Variants in ITPRID1 observed in about 807,000 individuals in gnomAD.
ITPRID1 encodes the protein ITPR interacting domain containing 1.
Under a neutral mutation model 95.4 loss-of-function variants are expected in ITPRID1, and 96 were observed. That is an observed-to-expected ratio of 1.01 (90% CI 0.85 to 1.19). The LOEUF (loss-of-function observed/expected upper bound fraction) is 1.19. ITPRID1 is among the 50% of genes most tolerant of loss of function. The probability of loss-of-function intolerance (pLI) is 0.00; values close to 1 mark genes in which losing one functional copy is unlikely to be tolerated. For missense variants in ITPRID1, 1,339 were observed against 1,252.9 expected, an observed-to-expected ratio of 1.07 and a Z score of -1.04; for synonymous variants, 510 against 453.6, an observed-to-expected ratio of 1.12 and a Z score of -1.58.
chr7:31,603,287 T>TCCCTCC (rs1402687891), intron 10 of ITPRID1, among the ~76,000 whole-genome samples: 2 of 151,956 alleles, frequency 1.3e-5, no homozygotes, highest in East Asian at 3.9e-4. Flanking sequence ...AACCACATCC[T>TCCCTCC]CCCTCCCCGT....
intron 10 of ITPRID1, among the ~76,000 whole-genome samples, chr7:31,632,896 T>G (rs1347613433): frequency 6.6e-6 from 1 of 151,490 alleles, no homozygotes; most frequent in Non-Finnish European, 1.5e-5. Flanking sequence ...ATTCATTTAT[T>G]TATTTATTTG....
At chr7:31,569,651 C>A (rs975278360) in intron 5 of ITPRID1, 107 bp from the exon 6 acceptor site, 26 of 906,154 alleles carry the variant, frequency 2.9e-5, no homozygotes, top group Non-Finnish European at 4.3e-5. Context: ...GCCTATATAA[C>A]CTTGGATATG....
intron 8 of ITPRID1, among the ~76,000 whole-genome samples, chr7:31,575,744 C>A (rs1193272616): frequency 6.6e-6 from 1 of 152,152 alleles, no homozygotes; most frequent in Non-Finnish European, 1.5e-5. Flanking sequence ...TAAACAAATT[C>A]ACTAAAAGGA....
chr7:31,651,948 C>G lies in ITPRID1; in HGVS notation c.2721C>G (p.Ala907=). The change falls in exon 14 of 15, where the codon GCC becomes GCG. Residue 907 remains alanine (A), a synonymous_variant. Coordinates refer to ENST00000615280, the MANE Select transcript of ITPRID1 (RefSeq NM_001257967.3). ...TATTATTTACTTGCAGGGAGGAGGC[C>G]GAGCAACTGCAAACGTTACGTGAGG... is the stretch of plus-strand genomic sequence containing the variant. ...RDMSEEEREE[A]EQLQTLREAL... 6.3e-7 allele frequency: 1 copy of G among 1,593,534 alleles called. No homozygotes were observed. The highest frequency in any genetic ancestry group is 8.5e-7 in the Non-Finnish European group (1 of 1,169,876).
chr7:31,579,923 A>C (rs960855207), intron 9 of ITPRID1, among the ~76,000 whole-genome samples: 3 of 152,158 alleles, frequency 2.0e-5, no homozygotes, highest in Non-Finnish European at 4.4e-5. Context: ...TAAACTGAGA[A>C]GGCGCTAAAA....
rs185415228 is a variant in ITPRID1, at chr7:31,517,561, C to T, written c.-98+3441C>T. 423 of 153,426 alleles carry T rather than the reference C, an allele frequency of 2.8e-3. 1 individual carries two copies. The highest frequency in any genetic ancestry group is 6.8e-3 in the Middle Eastern group (2 of 296). 9.5% of individuals were successfully genotyped at this position (153,426 alleles called of 1,614,324 possible). A position where few individuals can be genotyped will look rare whatever the true frequency, so the allele number is the denominator to read the frequency against. ...CGAAGAGGGAATAGCGGTCCACGCA[C>T]GGGACCCAGCCTCCGATCAAGCCCA... On this transcript the variant is annotated intron_variant, in intron 1 of 14. Coordinates refer to ENST00000615280, the MANE Select transcript of ITPRID1 (RefSeq NM_001257967.3).
At chr7:31,522,515 T>G (rs568902392) in intron 1 of ITPRID1, among the ~76,000 whole-genome samples, 1 of 152,302 alleles carries the variant, frequency 6.6e-6, no homozygotes, top group African/African-American at 2.4e-5. Context: ...TTCAATGAGG[T>G]TTTACTTTTG....
intron 1 of ITPRID1, among the ~76,000 whole-genome samples, chr7:31,545,283 A>G (rs1231309123): frequency 6.6e-6 from 1 of 152,156 alleles, no homozygotes; most frequent in Non-Finnish European, 1.5e-5. Flanking sequence ...GTGCATCCAG[A>G]ATATGGTGTC....
intron 10 of ITPRID1, among the ~76,000 whole-genome samples, chr7:31,632,417 A>C (rs1262544387): frequency 6.6e-6 from 1 of 152,222 alleles, no homozygotes. Context: ...ACTGCACTCC[A>C]GCCTGGGTGA....
At chr7:31,594,685 C>T (rs564849179) in intron 10 of ITPRID1, among the ~76,000 whole-genome samples, 1 of 152,018 alleles carries the variant, frequency 6.6e-6, no homozygotes, top group South Asian at 2.1e-4. Flanking sequence ...GGTGAAACCC[C>T]ATCTCTACTA....
chr7:31,654,803 C>G lies in ITPRID1; in HGVS notation c.*1974C>G, dbSNP rs1454635390. On this transcript the variant is annotated 3_prime_UTR_variant, in exon 15 of 15. Coordinates refer to ENST00000615280, the MANE Select transcript of ITPRID1 (RefSeq NM_001257967.3). ...GAAAAGATGGTCAAAGGAGAGGTCA[C>G]TTCTTAGCAAGTAACCTCAGAAACT... Among the ~76,000 whole-genome samples, 1 of 152,174 alleles carries G rather than the reference C, an allele frequency of 6.6e-6. No homozygotes were observed. Among genetic ancestry groups the G allele is most frequent in the African/African-American group, 2.4e-5 (1 of 41,452 alleles).
rs190410404 is a variant in ITPRID1, at chr7:31,590,852, T to G, written c.1228+7661T>G. 3.0e-4 allele frequency among the ~76,000 whole-genome samples: 46 copies of G among 152,356 alleles called. No individual in the cohort carries two copies. The East Asian group carries it at 8.7e-3, about 29-fold the overall frequency. On this transcript the variant is annotated intron_variant, in intron 10 of 14. Coordinates refer to ENST00000615280, the MANE Select transcript of ITPRID1 (RefSeq NM_001257967.3). The stretch of plus-strand genomic sequence containing the variant: ...GCTTTACTTCATTTAATCCTTAAAA[T>G]AAACCTTTAAGGTAGGCACTGTTAC...
intron 5 of ITPRID1, among the ~76,000 whole-genome samples, chr7:31,563,657 G>A (rs1784698483): frequency 6.6e-6 from 1 of 152,152 alleles, no homozygotes; most frequent in African/African-American, 2.4e-5. Context: ...AGTGAGAAGA[G>A]GAATGACAGA....
chr7:31,599,685 T>C, intron 10 of ITPRID1, among the ~76,000 whole-genome samples: 1 of 148,016 alleles, frequency 6.8e-6, no homozygotes, highest in South Asian at 2.2e-4. Flanking sequence ...TCTCTCTCTC[T>C]CTCTCTCTTT....
chr7:31,554,781 C>A, intron 4 of ITPRID1, 77 bp from the exon 5 acceptor site: 1 of 1,262,202 alleles, frequency 7.9e-7, no homozygotes, highest in Non-Finnish European at 1.1e-6. Context: ...TTGCTCTCAC[C>A]TGTTTAATTA....
chr7:31,584,463 G>A (rs1310804086), intron 10 of ITPRID1, among the ~76,000 whole-genome samples: 1 of 152,144 alleles, frequency 6.6e-6, no homozygotes, highest in East Asian at 1.9e-4. Context: ...AGGTCCCCTT[G>A]CCAATAGGAA....
At chr7:31,544,918 A>T (rs1658747379) in intron 1 of ITPRID1, among the ~76,000 whole-genome samples, 1 of 152,158 alleles carries the variant, frequency 6.6e-6, no homozygotes, top group Admixed American at 6.6e-5. Context: ...TTCATTAAAG[A>T]GTTATTGCTA....
Position 31,656,368 on chromosome 7 carries a change from TAG to T in ITPRID1, c.*3542_*3543del, listed in dbSNP as rs201608032. 278 of 349,358 alleles carry T rather than the reference TAG, an allele frequency of 8.0e-4. 2 individuals carry two copies. The East Asian group carries it at 0.021, about 26-fold the overall frequency. 21.6% of individuals were successfully genotyped at this position (349,358 alleles called of 1,614,324 possible). On this transcript the variant is annotated 3_prime_UTR_variant, in exon 15 of 15. Coordinates refer to ENST00000615280, the MANE Select transcript of ITPRID1 (RefSeq NM_001257967.3). ...TAAAATAGGGAGAAGAAAAACAACA[TAG>T]AGTTGTTGGACAGAATAAATACCAT...
At chr7:31,522,107 C>T (rs1783283320) in intron 1 of ITPRID1, among the ~76,000 whole-genome samples, 1 of 152,132 alleles carries the variant, frequency 6.6e-6, no homozygotes, top group East Asian at 1.9e-4. Flanking sequence ...CCTCCAGGGA[C>T]TGCGAACTCA....
Sources: gnomAD v4.1 joint callset for allele counts (sites outside exome capture counted in the v4.1 genomes callset) on GRCh38, gnomAD v4.1.1 for gene constraint, MANE v1.5 for transcripts, NCBI Gene and HGNC (gene_info 2026-07-23, HGNC 2026-07-21) for gene names.